Variants in GARNL3 observed in about 807,000 individuals in gnomAD.
GARNL3 encodes the protein GTPase-activating Rap/Ran-GAP domain-like protein 3.
Under a neutral mutation model 125.0 loss-of-function variants are expected in GARNL3, and 63 were observed. That is an observed-to-expected ratio of 0.50 (90% confidence interval 0.41 to 0.62). The LOEUF is 0.62. Among genes scored for constraint, GARNL3 ranks in the 20% least tolerant of loss-of-function variants. GARNL3 has a pLI of 0.00. For missense variants in GARNL3, 994 were observed against 1,244.0 expected, an observed-to-expected ratio of 0.80 and a Z score of 3.02; for synonymous variants, 439 against 457.5, an observed-to-expected ratio of 0.96 and a Z score of 0.52.
chr9:127,298,778 G>A (rs1242293707), intron 2 of GARNL3, among the ~76,000 whole-genome samples: 1 of 152,074 alleles, frequency 6.6e-6, no homozygotes, highest in African/African-American at 2.4e-5. Context: ...AAGTCCTACC[G>A]ACAGTATGTT....
chr9:127,310,186 T>A lies in GARNL3; in HGVS notation c.220-1450T>A, dbSNP rs551790642. Among the ~76,000 whole-genome samples, 3 of 152,266 alleles carry A rather than the reference T, an allele frequency of 2.0e-5. No homozygotes were observed. In the South Asian group the frequency reaches 6.2e-4, roughly 32 times the overall value. Reference sequence around the variant, plus strand: ...TATAAAAATGAAGCATCTAAAAGAATATAGAGGTAAACAGTTTCGTTAATG... The same window carrying A: ...TATAAAAATGAAGCATCTAAAAGAAAATAGAGGTAAACAGTTTCGTTAATG... On this transcript the variant is annotated intron_variant, in intron 2 of 27. Coordinates refer to ENST00000373387, the MANE Select transcript of GARNL3 (RefSeq NM_032293.5).
In GARNL3 at chr9:127,345,498, A is replaced by G. The variant is rs201731419; in HGVS notation, c.1431+21A>G. ...AAGAGGTGAGTTCATGATACTTTCA[A>G]TTTGAACTTTGAATTCCCCTTTTCC... On this transcript the variant is annotated intron_variant, in intron 16 of 27. Transcript: ENST00000373387. 3,006 of 1,465,514 alleles carry G rather than the reference A, an allele frequency of 2.1e-3. 8 individuals carry two copies. The highest frequency in any genetic ancestry group is 3.4e-3 in the South Asian group (274 of 81,596). The allele number at this position is 1,465,514 out of a possible 1,614,324, so 90.8% of individuals were successfully genotyped here.
chr9:127,302,832 A>G (rs1170266904), intron 2 of GARNL3, among the ~76,000 whole-genome samples: 3 of 152,256 alleles, frequency 2.0e-5, no homozygotes, highest in Non-Finnish European at 4.4e-5. Context: ...TAAAAAGAAC[A>G]AAATAGATCT....
At chr9:127,342,046 G>A (rs1025813773) in intron 13 of GARNL3, among the ~76,000 whole-genome samples, 173 bp from the exon 14 acceptor site, 12 of 152,084 alleles carry the variant, frequency 7.9e-5, no homozygotes, top group Admixed American at 2.0e-4. Flanking sequence ...CTTTTCAGCC[G>A]AAGCGAGGCT....
chr9:127,377,773 A>G (rs1245769010), intron 22 of GARNL3, among the ~76,000 whole-genome samples: 1 of 150,856 alleles, frequency 6.6e-6, no homozygotes, highest in African/African-American at 2.5e-5. Context: ...AGCCTGGGCA[A>G]AAGAACCAGA....
At chr9:127,365,839 C>T (rs553214432) in intron 22 of GARNL3, among the ~76,000 whole-genome samples, 2 of 152,244 alleles carry the variant, frequency 1.3e-5, no homozygotes, top group African/African-American at 4.8e-5. Context: ...CTCCAGCACC[C>T]ACAATTTTAA....
At chr9:127,387,442 G>T in intron 25 of GARNL3, 111 bp downstream of exon 25, 2 of 1,125,330 alleles carry the variant, frequency 1.8e-6, no homozygotes, top group East Asian at 5.2e-5. Context: ...ACTATTTAAA[G>T]CCATTAAAAA....
intron 22 of GARNL3, among the ~76,000 whole-genome samples, chr9:127,369,324 C>T (rs1396791815): frequency 3.9e-5 from 6 of 152,216 alleles, no homozygotes; most frequent in Non-Finnish European, 8.8e-5. Context: ...CCATCAGTGC[C>T]TTCCTGTACC....
chr9:127,295,643 C>T (rs555779516), intron 2 of GARNL3, among the ~76,000 whole-genome samples: 3 of 152,280 alleles, frequency 2.0e-5, no homozygotes, highest in African/African-American at 7.2e-5. Context: ...ACCAACTTGG[C>T]TACAAAGTCA....
intron 7 of GARNL3, among the ~76,000 whole-genome samples, chr9:127,330,667 G>A (rs542874005): frequency 6.6e-5 from 10 of 152,288 alleles, no homozygotes; most frequent in East Asian, 1.9e-4. Flanking sequence ...AAGGTTCTCC[G>A]ATGGAGAATA....
At chr9:127,281,620 A>C (rs554205761) in intron 1 of GARNL3, among the ~76,000 whole-genome samples, 1 of 152,032 alleles carries the variant, frequency 6.6e-6, no homozygotes, top group East Asian at 1.9e-4. Flanking sequence ...CCTTCCCCCT[A>C]CTCTGGTCCT....
intron 1 of GARNL3, among the ~76,000 whole-genome samples, chr9:127,275,320 A>G (rs999366428): frequency 3.3e-5 from 5 of 152,156 alleles, no homozygotes; most frequent in African/African-American, 1.2e-4. Flanking sequence ...CTTTCCCCAC[A>G]TGGGCTGTGG....
chr9:127,342,185 C>A, intron 13 of GARNL3, 34 bp from the exon 14 acceptor site: 1 of 1,225,878 alleles, frequency 8.2e-7, no homozygotes, highest in African/African-American at 1.5e-5. Flanking sequence ...CAAGAGATAT[C>A]TTGTAATTCC....
chr9:127,281,234 G>A (rs1178555396), intron 1 of GARNL3, among the ~76,000 whole-genome samples: 2 of 152,194 alleles, frequency 1.3e-5, no homozygotes, highest in Non-Finnish European at 2.9e-5. Context: ...ATGAGAAGGA[G>A]AGGATGCTGT....
chr9:127,250,299 A>T (rs1174780199), intron 2 of GARNL3, among the ~76,000 whole-genome samples: 1 of 152,214 alleles, frequency 6.6e-6, no homozygotes, highest in Non-Finnish European at 1.5e-5. Context: ...GAACCAACTG[A>T]ATGTGTTATC....
Position 127,383,513 on chromosome 9 carries a change from A to G in GARNL3, c.2237A>G (p.Gln746Arg). The G allele has an allele frequency of 6.2e-7, 1 of 1,613,600 alleles. No individual in the cohort carries two copies. Among genetic ancestry groups the G allele is most frequent in the Non-Finnish European group, 8.5e-7 (1 of 1,179,770 alleles). The change falls in exon 23 of 28, where the codon CAG becomes CGG. Residue 746 changes from glutamine (Q) to arginine (R), a missense_variant. Coordinates refer to ENST00000373387, the MANE Select transcript of GARNL3 (RefSeq NM_032293.5). ...FLVQPSASDF[Q>R]FCWNQAPYAI... ...GTTCAACCTTCTGCGTCAGATTTCC[A>G]GTTCTGTTGGAACCAGGCTCCCTAT...
rs1230243796 is a variant in GARNL3, at chr9:127,392,529, G to A, written c.2871-554G>A. Among the ~76,000 whole-genome samples, 3 of 152,372 alleles carry A rather than the reference G, an allele frequency of 2.0e-5. No homozygotes were observed. Among genetic ancestry groups the A allele is most frequent in the South Asian group, 2.1e-4 (1 of 4,828 alleles). ...GTGGACAGGCTTGAGCATAGAGAAC[G>A]GAGCCAGGAACTGTGTGAGGCCGAG... On this transcript the variant is annotated intron_variant, in intron 27 of 27. Transcript: ENST00000373387. The surrounding 1 kb of genome is among the most constrained non-coding windows in gnomAD (Gnocchi z 5.2).
chr9:127,363,163 A>G (rs7040865), intron 21 of GARNL3: 80,903 of 152,038 alleles, frequency 0.53, 21,930 homozygotes, highest in South Asian at 0.69. Context: ...GGTGAGGGAC[A>G]CTCTGCAGAG....
chr9:127,393,576 G>A lies in GARNL3; in HGVS notation c.*322G>A, dbSNP rs1361775375. Reference sequence around the variant, plus strand: ...CTTCTCATATTTTATATACTTAGATGGAAAATTATTTTTTCATTACAGTTT... The same window carrying A: ...CTTCTCATATTTTATATACTTAGATAGAAAATTATTTTTTCATTACAGTTT... On this transcript the variant is annotated 3_prime_UTR_variant, in exon 28 of 28. Coordinates refer to ENST00000373387, the MANE Select transcript of GARNL3 (RefSeq NM_032293.5). 1.2e-5 allele frequency: 2 copies of A among 172,038 alleles called. No individual in the cohort carries two copies. The highest frequency in any genetic ancestry group is 4.7e-5 in the African/African-American group (2 of 42,224). 10.7% of individuals were successfully genotyped at this position (172,038 alleles called of 1,614,324 possible).
Sources: allele counts gnomAD v4.1 joint callset (sites outside exome capture counted in the v4.1 genomes callset), GRCh38; gene constraint gnomAD v4.1.1; non-coding constraint Gnocchi (gnomAD v3.1); transcripts MANE v1.5; gene names NCBI Gene and HGNC (gene_info 2026-07-23, HGNC 2026-07-21).